The following STRAP variants were observed in gnomAD, a reference collection of about 807,000 sequenced individuals.
STRAP encodes serine/threonine kinase receptor associated protein.
A neutral mutation model predicts 47.0 loss-of-function variants in STRAP; 16 were observed. The observed-to-expected ratio is 0.34, with a 90% CI of 0.23 to 0.52. The LOEUF is 0.52. Ranked by LOEUF, STRAP falls within the 20% of genes least tolerant of loss-of-function variation. The pLI is 0.96. For synonymous variants in STRAP, 130 were observed against 142.7 expected (o/e 0.91, Z 0.63); for missense variants, 293 against 420.0 (o/e 0.70, Z 2.64).
At chr12:15,893,975 T>C (rs2136111073) in intron 4 of STRAP, 72 bp from the exon 5 acceptor site, 3 of 1,191,986 alleles carry the variant, frequency 2.5e-6, no homozygotes, top group East Asian at 2.4e-5. Flanking sequence ...TAAAAATATA[T>C]AATTGTTCCG....
Position 15,894,331 on chromosome 12 carries a change from C to T in STRAP, c.500+188C>T, listed in dbSNP as rs1400041643. On this transcript the variant is annotated intron_variant, in intron 5 of 9. Transcript: ENST00000419869. This position sits in a 1 kb window ranked among gnomAD's most constrained non-coding sequence, Gnocchi z 4.9. The stretch of plus-strand genomic sequence containing the variant: ...AAACTTAGCCAAGCGCGGTGGCACA[C>T]ACCTATAATCCCAGCTACTCGGGAG... 6.6e-6 allele frequency among the ~76,000 whole-genome samples: 1 copy of T among 152,152 alleles called. No individual in the cohort carries two copies. Among genetic ancestry groups the T allele is most frequent in the Non-Finnish European group, 1.5e-5 (1 of 68,024 alleles).
rs530241161 is a variant in STRAP at position 15,895,624 on chromosome 12, C to T, written c.638+128C>T. On this transcript the variant is annotated intron_variant, in intron 6 of 9. Transcript: ENST00000419869. ...AGGAGTGGTGGCTTATGCCTATAAT[C>T]GCAGTACCTTGGGAAGCTGAGGTGG... 1.2e-4 allele frequency: 121 copies of T among 974,820 alleles called. 1 individual carries two copies. The highest frequency in any genetic ancestry group is 2.2e-4 in the Admixed American group (6 of 27,294). The allele number at this position is 974,820 out of a possible 1,614,324, so 60.4% of individuals were successfully genotyped here. A position where few individuals can be genotyped will look rare whatever the true frequency, so the allele number is the denominator to read the frequency against.
intron 2 of STRAP, among the ~76,000 whole-genome samples, chr12:15,884,280 A>G (rs1947949928): frequency 6.6e-6 from 1 of 152,130 alleles, no homozygotes; most frequent in Non-Finnish European, 1.5e-5. Context: ...GCCTTAGTTC[A>G]GGATCATTTT....
chr12:15,883,251 T>C (rs1947939428), intron 1 of STRAP: 1 of 1,090,840 alleles, frequency 9.2e-7, no homozygotes, highest in African/African-American at 1.6e-5. Flanking sequence ...AATGGGAAAC[T>C]GAGATTCAGG....
In STRAP at chr12:15,894,444, G is replaced by A. The variant is rs59182115; in HGVS notation, c.500+301G>A. ...ATTGCACTCTAGCCTGGGCGACAGA[G>A]CTAGACTGTCTCAAAAGAAAAACAA... On this transcript the variant is annotated intron_variant, in intron 5 of 9. Transcript: ENST00000419869. This position sits in a 1 kb window ranked among gnomAD's most constrained non-coding sequence, Gnocchi z 4.9. 0.066 allele frequency among the ~76,000 whole-genome samples: 10,120 copies of A among 152,274 alleles called. 1,084 individuals are homozygous for A. Among genetic ancestry groups the A allele is most frequent in the African/African-American group, 0.22 (9,305 of 41,524 alleles).
At chr12:15,888,543 A>G (rs144117678) in intron 2 of STRAP, among the ~76,000 whole-genome samples, 2 of 152,310 alleles carry the variant, frequency 1.3e-5, no homozygotes, top group African/African-American at 4.8e-5. Flanking sequence ...TTGGTAGTGT[A>G]TCATGAGCAT....
chr12:15,898,877 C>T (rs1010077384), intron 7 of STRAP, among the ~76,000 whole-genome samples: 3 of 152,154 alleles, frequency 2.0e-5, no homozygotes, highest in African/African-American at 4.8e-5. Context: ...GACAATTTTA[C>T]GTTTTGTTTC....
intron 1 of STRAP, 53 bp downstream of exon 1, chr12:15,882,872 A>G: frequency 6.4e-7 from 1 of 1,553,470 alleles, no homozygotes; most frequent in Non-Finnish European, 8.8e-7. Flanking sequence ...GCTGAAAGGG[A>G]TCGGGACCCG....
intron 5 of STRAP, among the ~76,000 whole-genome samples, 155 bp from the exon 6 acceptor site, chr12:15,895,204 A>T (rs1439553007): frequency 6.6e-6 from 1 of 152,116 alleles, no homozygotes; most frequent in African/African-American, 2.4e-5. Context: ...GAAACCCAGA[A>T]TTTTTTTTAA....
At chr12:15,892,624 A>T (rs1948026058) in intron 4 of STRAP, among the ~76,000 whole-genome samples, 1 of 152,182 alleles carries the variant, frequency 6.6e-6, no homozygotes, top group Non-Finnish European at 1.5e-5. Flanking sequence ...ACTTTTTAAA[A>T]TATTTTACAT....
Position 15,900,982 on chromosome 12 carries a change from G to C in STRAP, c.961G>C (p.Gly321Arg). Residue 321 changes from glycine (G) to arginine (R), a missense_variant, in exon 9 of 10, where the codon GGT (glycine) becomes CGT (arginine). Around this residue, in one of 5 missense-constraint regions of STRAP, gnomAD observed 52 missense variants for 45.0 expected, o/e 1.16. Coordinates refer to ENST00000419869, the MANE Select transcript of STRAP (RefSeq NM_007178.4). Reference protein sequence around the residue: ...DSGELAKPKIGFPETTEEELE... With the variant: ...DSGELAKPKIRFPETTEEELE... ...TGGTGAGCTGGCAAAGCCAAAGATT[G>C]GTTTTCCAGAGACAACAGAAGAGGA... 1 of 1,597,950 alleles carries C rather than the reference G, an allele frequency of 6.3e-7. No homozygotes were observed. The highest frequency in any genetic ancestry group is 8.5e-7 in the Non-Finnish European group (1 of 1,172,096).
At chr12:15,889,853 A>G in intron 2 of STRAP, 75 bp from the exon 3 acceptor site, 1 of 1,206,594 alleles carries the variant, frequency 8.3e-7, no homozygotes, top group Non-Finnish European at 1.2e-6. Context: ...GTACTCATCA[A>G]TATTATAATT....
chr12:15,885,181 T>G (rs34799905), intron 2 of STRAP, among the ~76,000 whole-genome samples: 1 of 107,852 alleles, frequency 9.3e-6, no homozygotes, highest in Non-Finnish European at 1.8e-5. Flanking sequence ...ACAAGTGGTG[T>G]TTTTTTTTTT....
chr12:15,889,852 A>G (rs1482236953), intron 2 of STRAP, 76 bp from the exon 3 acceptor site: 4 of 1,180,658 alleles, frequency 3.4e-6, no homozygotes, highest in Non-Finnish European at 4.9e-6. Context: ...GGTACTCATC[A>G]ATATTATAAT....
intron 9 of STRAP, among the ~76,000 whole-genome samples, chr12:15,901,671 G>C (rs903190597): frequency 2.6e-5 from 4 of 151,910 alleles, no homozygotes; most frequent in Non-Finnish European, 5.9e-5. Flanking sequence ...GACCAACCTG[G>C]CCAACATGGT....
rs757867341 is a variant in STRAP, at chr12:15,898,036, A to G, written c.775+18A>G. The G allele has an allele frequency of 1.0e-5, 16 of 1,592,750 alleles. No individual in the cohort carries two copies. Among genetic ancestry groups the G allele is most frequent in the Admixed American group, 7.1e-5 (4 of 56,552 alleles). On this transcript the variant is annotated intron_variant, in intron 7 of 9. Coordinates refer to ENST00000419869, the MANE Select transcript of STRAP (RefSeq NM_007178.4). ...AGAATTAGGTGAGTTGTCCCCTTAC[A>G]GTGATGTGGTTACCTTTATCATATG...
chr12:15,900,071 G>C lies in STRAP; in HGVS notation c.925+18G>C, dbSNP rs1347132759. ...GCTTCCTGGTAAGAATTTTTATTCA[G>C]AATAATAAAATTTTTAAAATGCATG... On this transcript the variant is annotated intron_variant, in intron 8 of 9. Transcript: ENST00000419869. 4 of 1,590,972 alleles carry C rather than the reference G, an allele frequency of 2.5e-6. No homozygotes were observed. The highest frequency in any genetic ancestry group is 1.2e-5 in the South Asian group (1 of 85,500).
rs561881826 is a variant in STRAP at position 15,896,176 on chromosome 12, T to C, written c.638+680T>C. On this transcript the variant is annotated intron_variant, in intron 6 of 9. Coordinates refer to ENST00000419869, the MANE Select transcript of STRAP (RefSeq NM_007178.4). The surrounding 1 kb of genome is among the most constrained non-coding windows in gnomAD (Gnocchi z 4.1). ...TTAATCCCAGGAGGTGGAGGTTGTT[T>C]TGAGCTGTGGTCACACCACTGCATT... Among the ~76,000 whole-genome samples the C allele has an allele frequency of 2.0e-5, 3 of 152,150 alleles. No homozygotes were observed. The East Asian group carries it at 5.8e-4, about 29-fold the overall frequency.
chr12:15,903,161 T>A lies in STRAP; in HGVS notation c.*183T>A. On this transcript the variant is annotated 3_prime_UTR_variant, in exon 10 of 10. Transcript: ENST00000419869. ...TGTTACCTGTAAGTGAAAACTCAAG[T>A]GTCAGATGAAGGGAGGTGGAGTTAT... 1 of 535,962 alleles carries A rather than the reference T, an allele frequency of 1.9e-6. No homozygotes were observed. Among genetic ancestry groups the A allele is most frequent in the Non-Finnish European group, 3.0e-6 (1 of 334,074 alleles). 33.2% of individuals were successfully genotyped at this position (535,962 alleles called of 1,614,324 possible).
Sources: allele counts gnomAD v4.1 joint callset (sites outside exome capture counted in the v4.1 genomes callset), GRCh38; gene constraint gnomAD v4.1.1; regional missense constraint gnomAD v4.1.1; non-coding constraint Gnocchi (gnomAD v3.1); transcripts MANE v1.5; gene names NCBI Gene and HGNC (gene_info 2026-07-23, HGNC 2026-07-21).